Variants in CACNB4 observed in about 807,000 individuals in gnomAD.
CACNB4 encodes voltage-dependent L-type calcium channel subunit beta-4.
Under a neutral mutation model 71.2 loss-of-function variants are expected in CACNB4, and 32 were observed. The observed-to-expected ratio is 0.45, with a 90% CI of 0.34 to 0.60. The LOEUF (loss-of-function observed/expected upper bound fraction) is 0.60, where lower values mean the gene tolerates loss of function less well. CACNB4 is among the 20% of genes least tolerant of loss of function. The pLI is 0.01. For missense variants in CACNB4, 464 were observed against 647.9 expected, an observed-to-expected ratio of 0.72 and a Z score of 3.08; for synonymous variants, 231 against 236.9, an observed-to-expected ratio of 0.97 and a Z score of 0.23.
At chr2:152,045,692 C>T (rs545044622) in intron 2 of CACNB4, among the ~76,000 whole-genome samples, 1 of 152,088 alleles carries the variant, frequency 6.6e-6, no homozygotes. Context: ...CCTCTTCTCC[C>T]TCTCCCTCAC....
intron 2 of CACNB4, among the ~76,000 whole-genome samples, chr2:151,941,178 G>T (rs2099864130): frequency 6.6e-6 from 1 of 151,130 alleles, no homozygotes; most frequent in Non-Finnish European, 1.5e-5. Context: ...TCAGGTAATT[G>T]TTAGCAAATG....
chr2:151,977,836 C>T (rs2099874083), intron 2 of CACNB4, among the ~76,000 whole-genome samples: 1 of 152,192 alleles, frequency 6.6e-6, no homozygotes, highest in African/African-American at 2.4e-5. Context: ...AAGGCTAGCC[C>T]TCCTGTTGGC....
chr2:152,041,996 TGAAA>T (rs1403297651), intron 2 of CACNB4, among the ~76,000 whole-genome samples: 1 of 151,882 alleles, frequency 6.6e-6, no homozygotes, highest in Non-Finnish European at 1.5e-5. Context: ...GTTGAAGGAG[TGAAA>T]GAAAGAGCAA....
At chr2:152,063,984 A>T (rs1251395911) in intron 2 of CACNB4, among the ~76,000 whole-genome samples, 1 of 152,254 alleles carries the variant, frequency 6.6e-6, no homozygotes, top group Admixed American at 6.5e-5. Flanking sequence ...ACACAGGCTG[A>T]CACCCCTGTT....
At chr2:151,884,565 G>A (rs1332595526) in intron 2 of CACNB4, among the ~76,000 whole-genome samples, 1 of 150,080 alleles carries the variant, frequency 6.7e-6, no homozygotes, top group African/African-American at 2.5e-5. Context: ...AACCCCGGAG[G>A]CGGAGCTTGC....
At chr2:151,852,605 A>T (rs1305044209) in intron 12 of CACNB4, 1 of 152,200 alleles carries the variant, frequency 6.6e-6, no homozygotes, top group Non-Finnish European at 1.5e-5. Context: ...AGATTACATA[A>T]CTAGTCAGTG....
At position 151,839,100 on chromosome 2, in the gene CACNB4, A is replaced by AT. The variant is rs775860178; in HGVS notation, c.*18dup. ...TATGGCAAATTGTCAACAGATGAATATTTTTTGTTTCATTAGACTCAAAGC... is the reference window on the plus strand; with the variant it reads ...TATGGCAAATTGTCAACAGATGAATATTTTTTTGTTTCATTAGACTCAAAGC... On this transcript the variant is annotated 3_prime_UTR_variant, in exon 14 of 14. Coordinates refer to ENST00000539935, the MANE Select transcript of CACNB4 (RefSeq NM_000726.5). 4 of 1,598,254 alleles carry AT rather than the reference A, an allele frequency of 2.5e-6. No individual in the cohort carries two copies. Among genetic ancestry groups the AT allele is most frequent in the Non-Finnish European group, 3.4e-6 (4 of 1,169,900 alleles).
intron 2 of CACNB4, chr2:151,967,675 T>TG (rs1024723333): frequency 6.6e-5 from 10 of 150,688 alleles, no homozygotes; most frequent in Non-Finnish European, 1.0e-4. Flanking sequence ...GAACTGTTGT[T>TG]TTTTTTTTTC....
intron 4 of CACNB4, among the ~76,000 whole-genome samples, chr2:151,878,041 T>C (rs2099846883): frequency 6.6e-6 from 1 of 152,316 alleles, no homozygotes; most frequent in Middle Eastern, 3.4e-3. Flanking sequence ...TTCTAAAAAC[T>C]TCCTTTACTG....
At chr2:151,918,141 T>C (rs2151560455) in intron 2 of CACNB4, among the ~76,000 whole-genome samples, 1 of 152,326 alleles carries the variant, frequency 6.6e-6, no homozygotes, top group Middle Eastern at 3.4e-3. Flanking sequence ...CCAAAATATG[T>C]AGTTGGCCAT....
At chr2:151,991,889 G>T (rs188120058) in intron 2 of CACNB4, among the ~76,000 whole-genome samples, 6 of 152,290 alleles carry the variant, frequency 3.9e-5, no homozygotes, top group African/African-American at 1.4e-4. Flanking sequence ...TAGGAAGCAG[G>T]AATGAGGGAA....
chr2:152,021,345 T>G (rs1433707963), intron 2 of CACNB4, among the ~76,000 whole-genome samples: 1 of 152,148 alleles, frequency 6.6e-6, no homozygotes, highest in East Asian at 1.9e-4. Context: ...CATAATCCAT[T>G]TTAGAATGAT....
chr2:151,865,060 G>A (rs756124586), intron 9 of CACNB4, among the ~76,000 whole-genome samples: 11 of 152,176 alleles, frequency 7.2e-5, no homozygotes, highest in Non-Finnish European at 1.0e-4. Flanking sequence ...GTGTTTGAGT[G>A]GCTGTTTATG....
rs573315816 is a variant in CACNB4 at position 152,071,182 on chromosome 2, T to C, written c.147+27148A>G. Reference sequence around the variant, plus strand: ...AACTGTTGTTCACACTGAAATTTCTTAGGCTATTAATATCTAAGTTCTCTT... The same window carrying C: ...AACTGTTGTTCACACTGAAATTTCTCAGGCTATTAATATCTAAGTTCTCTT... On this transcript the variant is annotated intron_variant, in intron 2 of 13. Transcript: ENST00000539935. Among the ~76,000 whole-genome samples the C allele has an allele frequency of 7.4e-4, 112 of 152,344 alleles. 1 individual carries two copies. Among genetic ancestry groups the C allele is most frequent in the Non-Finnish European group, 7.9e-4 (54 of 68,028 alleles).
intron 5 of CACNB4, 21 bp downstream of exon 5, chr2:151,876,405 A>T (rs775550384): frequency 3.2e-5 from 51 of 1,587,650 alleles, no homozygotes; most frequent in Non-Finnish European, 4.2e-5. Context: ...AAAAAAGTGC[A>T]TAGAAAAGAT....
At chr2:151,986,057 G>C (rs1482146611) in intron 2 of CACNB4, among the ~76,000 whole-genome samples, 2 of 152,186 alleles carry the variant, frequency 1.3e-5, no homozygotes, top group Non-Finnish European at 2.9e-5. Flanking sequence ...GGATGAAAAA[G>C]CTACTACATG....
chr2:151,993,071 T>G (rs1681804206), intron 2 of CACNB4, among the ~76,000 whole-genome samples: 1 of 152,018 alleles, frequency 6.6e-6, no homozygotes, highest in East Asian at 1.9e-4. Flanking sequence ...CTCTGGTGTC[T>G]TTTTTGGTAG....
intron 2 of CACNB4, among the ~76,000 whole-genome samples, chr2:152,023,106 A>C (rs1683765436): frequency 6.6e-6 from 1 of 150,862 alleles, no homozygotes; most frequent in Non-Finnish European, 1.5e-5. Context: ...CAGGGGGTCC[A>C]TGAGGGGGTG....
rs1553791572 is a variant in CACNB4, at chr2:151,957,257, CGTGT to C, written c.148-73891_148-73888del. 6.5e-3 allele frequency among the ~76,000 whole-genome samples: 863 copies of C among 131,848 alleles called. 7 individuals are homozygous for C. Among genetic ancestry groups the C allele is most frequent in the African/African-American group, 9.3e-3 (338 of 36,346 alleles). 86.5% of individuals were successfully genotyped at this position (131,848 alleles called of 152,430 possible). A position where few individuals can be genotyped will look rare whatever the true frequency, so the allele number is the denominator to read the frequency against. ...AGAAAAAAAAAGTAGAGTGGCTGGG[CGTGT>C]GTGTGTGTGTGTGTGTGTGTGTGTG... On this transcript the variant is annotated intron_variant, in intron 2 of 13. Transcript: ENST00000539935.
Sources: allele counts gnomAD v4.1 joint callset (sites outside exome capture counted in the v4.1 genomes callset), GRCh38; gene constraint gnomAD v4.1.1; transcripts MANE v1.5; gene names NCBI Gene and HGNC (gene_info 2026-07-23, HGNC 2026-07-21).